Variants in SEMA3D observed in about 807,000 individuals in gnomAD.
SEMA3D encodes semaphorin-3D.
In SEMA3D, 84 loss-of-function variants were observed where a neutral mutation model predicts 100.1. The ratio of observed to expected loss-of-function variants is 0.84; its 90% CI spans 0.70 to 1.01. SEMA3D has a LOEUF of 1.01. SEMA3D is among the 50% of genes least tolerant of loss of function. The pLI is 0.00. For missense variants in SEMA3D, 875 were observed against 934.1 expected, an observed-to-expected ratio of 0.94 and a Z score of 0.82; for synonymous variants, 312 against 320.7, an observed-to-expected ratio of 0.97 and a Z score of 0.29.
intron 1 of SEMA3D, among the ~76,000 whole-genome samples, chr7:85,159,345 T>C (rs1284250815): frequency 1.3e-5 from 2 of 152,164 alleles, no homozygotes; most frequent in African/African-American, 4.8e-5. Context: ...TACCCCTTTT[T>C]AACAGTCATT....
intron 14 of SEMA3D, among the ~76,000 whole-genome samples, chr7:85,018,760 C>T (rs181407306): frequency 6.4e-4 from 97 of 151,792 alleles, no homozygotes; most frequent in African/African-American, 2.1e-3. Flanking sequence ...ATATTCTTTA[C>T]GGAACACTAC....
intron 4 of SEMA3D, among the ~76,000 whole-genome samples, chr7:85,083,741 G>A (rs1168530466): frequency 1.3e-5 from 2 of 151,802 alleles, no homozygotes; most frequent in East Asian, 2.0e-4. Context: ...CAGCTACTCG[G>A]GAGGCTGAGG....
chr7:85,175,277 C>T (rs893758440), intron 1 of SEMA3D, among the ~76,000 whole-genome samples: 1 of 152,138 alleles, frequency 6.6e-6, no homozygotes, highest in Non-Finnish European at 1.5e-5. Context: ...AGTGACACAA[C>T]AAAAGAAGCC....
intron 15 of SEMA3D, 89 bp downstream of exon 15, chr7:85,018,163 C>G: frequency 2.4e-6 from 2 of 816,856 alleles, no homozygotes; most frequent in East Asian, 5.1e-5. Flanking sequence ...ATTTAACTCC[C>G]AATTTCAATG....
At chr7:85,215,333 ATAT>A in the SEMA3D span, among the ~76,000 whole-genome samples, 1 of 152,232 alleles carries the variant, frequency 6.6e-6, no homozygotes, top group Admixed American at 6.5e-5. Context: ...TGTTGTTCTC[ATAT>A]TAGAAATAAT....
chr7:85,130,258 A>G (rs1455608213), intron 2 of SEMA3D, among the ~76,000 whole-genome samples: 1 of 152,142 alleles, frequency 6.6e-6, no homozygotes, highest in East Asian at 1.9e-4. Context: ...AAATTCAACA[A>G]TTGATGATGA....
intron 6 of SEMA3D, among the ~76,000 whole-genome samples, chr7:85,071,279 T>C (rs1791766361): frequency 1.3e-5 from 2 of 152,164 alleles, no homozygotes; most frequent in Admixed American, 6.5e-5. Context: ...GGATTCAAGT[T>C]ACCAAGTCTC....
At position 84,999,306 on chromosome 7, in the gene SEMA3D, T is replaced by A; in HGVS notation, c.*134A>T. The stretch of plus-strand genomic sequence containing the variant: ...CCTTTCTTATATTCATCACATATTG[T>A]CTTATTCAGATTATTGTCTTGTGCC... On this transcript the variant is annotated 3_prime_UTR_variant, in exon 19 of 19. Coordinates refer to ENST00000284136, the MANE Select transcript of SEMA3D (RefSeq NM_001384900.1). The A allele has an allele frequency of 1.4e-6, 1 of 722,488 alleles. No individual in the cohort carries two copies. Among genetic ancestry groups the A allele is most frequent in the East Asian group, 2.7e-5 (1 of 37,112 alleles). 44.8% of individuals were successfully genotyped at this position (722,488 alleles called of 1,614,324 possible). A position where few individuals can be genotyped will look rare whatever the true frequency, so the allele number is the denominator to read the frequency against.
chr7:85,071,368 A>G (rs1791769293), intron 6 of SEMA3D, among the ~76,000 whole-genome samples: 1 of 152,246 alleles, frequency 6.6e-6, no homozygotes, highest in Non-Finnish European at 1.5e-5. Flanking sequence ...CAAGTTGGTT[A>G]GAAAGGAAAA....
At chr7:85,070,267 G>A (rs938363316) in intron 6 of SEMA3D, among the ~76,000 whole-genome samples, 17 of 152,098 alleles carry the variant, frequency 1.1e-4, no homozygotes, top group Non-Finnish European at 2.9e-5. Flanking sequence ...TGCCACAAAT[G>A]CAGAATGTGC....
chr7:85,189,043 T>G (rs1292905312), upstream of SEMA3D, among the ~76,000 whole-genome samples: 1 of 152,158 alleles, frequency 6.6e-6, no homozygotes, highest in Non-Finnish European at 1.5e-5. Context: ...TAGACAGAAT[T>G]TACCAGAGTA....
rs561234345 is a variant in SEMA3D, at chr7:85,097,841, T to A, written c.276A>T (p.Leu92=). 1 of 1,607,402 alleles carries A rather than the reference T, an allele frequency of 6.2e-7. No homozygotes were observed. Among genetic ancestry groups the A allele is most frequent in the Non-Finnish European group, 8.5e-7 (1 of 1,175,292 alleles). The change falls in exon 4 of 19, where the codon CTA becomes CTT. Residue 92 remains leucine, a synonymous_variant. Coordinates refer to ENST00000284136, the MANE Select transcript of SEMA3D (RefSeq NM_001384900.1). ...TTTTGTTTAAGTCAACCAGACTGAG[T>A]AGAAAGATGTGGTCTTTGGCTCCCA... ...LLLGAKDHIF[L]LSLVDLNKNF... is the part of the protein sequence containing the mutation.
chr7:85,150,585 G>C (rs964883573), intron 2 of SEMA3D, among the ~76,000 whole-genome samples: 1 of 149,860 alleles, frequency 6.7e-6, no homozygotes, highest in South Asian at 2.1e-4. Context: ...AATCAAACCT[G>C]AAACCTGAAG....
Position 85,097,788 on chromosome 7 carries a change from T to C in SEMA3D, c.312+17A>G. ...AAATAAATGAATTTAACCAAATGTA[T>C]ATATAAATATACTGACCTTCTTAAA... On this transcript the variant is annotated intron_variant, in intron 4 of 18. Coordinates refer to ENST00000284136, the MANE Select transcript of SEMA3D (RefSeq NM_001384900.1). 6.9e-7 allele frequency: 1 copy of C among 1,440,512 alleles called. No homozygotes were observed. The highest frequency in any genetic ancestry group is 2.3e-5 in the East Asian group (1 of 43,528). 89.2% of individuals were successfully genotyped at this position (1,440,512 alleles called of 1,614,324 possible).
the SEMA3D span, among the ~76,000 whole-genome samples, chr7:85,237,270 C>A: frequency 6.6e-6 from 1 of 152,136 alleles, no homozygotes; most frequent in Non-Finnish European, 1.5e-5. Context: ...TTGTTACAAT[C>A]AATGGAAGTA....
At chr7:85,119,159 T>C (rs1472298850) in intron 3 of SEMA3D, among the ~76,000 whole-genome samples, 1 of 152,180 alleles carries the variant, frequency 6.6e-6, no homozygotes, top group African/African-American at 2.4e-5. Context: ...GCTTATACAC[T>C]GTTTGTGGGA....
the SEMA3D span, among the ~76,000 whole-genome samples, chr7:85,225,885 A>G: frequency 2.6e-5 from 4 of 152,298 alleles, no homozygotes; most frequent in South Asian, 8.3e-4. Flanking sequence ...ATCATTTCTT[A>G]GGAAAGATTA....
intron 12 of SEMA3D, among the ~76,000 whole-genome samples, chr7:85,025,596 C>A (rs1360597686): frequency 1.3e-5 from 2 of 152,042 alleles, no homozygotes; most frequent in Admixed American, 1.3e-4. Flanking sequence ...CAGCTTCAGG[C>A]TATTCTCTAC....
At chr7:85,242,586 T>C in the SEMA3D span, among the ~76,000 whole-genome samples, 1 of 152,178 alleles carries the variant, frequency 6.6e-6, no homozygotes, top group African/African-American at 2.4e-5. Flanking sequence ...ACTCTGTTCC[T>C]ACTGATTTAC....
Sources: gnomAD v4.1 joint callset for allele counts (sites outside exome capture counted in the v4.1 genomes callset) on GRCh38, gnomAD v4.1.1 for gene constraint, MANE v1.5 for transcripts, NCBI Gene and HGNC (gene_info 2026-07-23, HGNC 2026-07-21) for gene names.